The following PLD5 variants were observed in gnomAD, a reference collection of about 807,000 sequenced individuals.
PLD5 encodes phospholipase D family member 5, also known as inactive phospholipase D5.
A neutral mutation model predicts 61.1 loss-of-function variants in PLD5; 36 were observed. The ratio of observed to expected loss-of-function variants is 0.59; its 90% CI spans 0.45 to 0.78. The LOEUF (loss-of-function observed/expected upper bound fraction) is 0.78, where lower values mean the gene tolerates loss of function less well. Among genes scored for constraint, PLD5 ranks in the 30% least tolerant of loss-of-function variants. PLD5 has a pLI of 0.00. For missense variants in PLD5, 515 were observed against 644.4 expected, an observed-to-expected ratio of 0.80 and a Z score of 2.17; for synonymous variants, 243 against 242.8, an observed-to-expected ratio of 1.00 and a Z score of -0.01.
intron 4 of PLD5, among the ~76,000 whole-genome samples, chr1:242,231,976 C>T (rs1293764804): frequency 1.3e-5 from 2 of 148,514 alleles, no homozygotes; most frequent in African/African-American, 4.9e-5. Flanking sequence ...AAAAAGATGA[C>T]CAATGTAAGC....
At chr1:242,249,410 A>G (rs991084500) in intron 4 of PLD5, among the ~76,000 whole-genome samples, 1 of 152,208 alleles carries the variant, frequency 6.6e-6, no homozygotes. Context: ...CCAGTCTCAA[A>G]TAAGTTTCTG....
intron 5 of PLD5, among the ~76,000 whole-genome samples, chr1:242,149,765 G>T (rs914550838): frequency 2.6e-5 from 4 of 151,598 alleles, no homozygotes; most frequent in African/African-American, 9.7e-5. Context: ...TATGGCCATA[G>T]AGTTATTCAT....
intron 4 of PLD5, among the ~76,000 whole-genome samples, chr1:242,237,244 T>C (rs910721326): frequency 6.6e-6 from 1 of 151,106 alleles, no homozygotes; most frequent in East Asian, 1.9e-4. Context: ...TCATTCACTC[T>C]GCAGAGATTG....
intron 5 of PLD5, among the ~76,000 whole-genome samples, chr1:242,217,081 A>C (rs1351613807): frequency 1.3e-5 from 2 of 152,238 alleles, no homozygotes; most frequent in African/African-American, 2.4e-5. Context: ...TCCTTTCAAA[A>C]TATTACTGCT....
chr1:242,380,085 G>C (rs10926710), intron 1 of PLD5, among the ~76,000 whole-genome samples: 27,623 of 152,154 alleles, frequency 0.18, 2,947 homozygotes, highest in African/African-American at 0.3. Context: ...GCATTTGGGG[G>C]TTCTATGGCA....
chr1:242,484,601 C>G (rs866900230), intron 1 of PLD5, among the ~76,000 whole-genome samples: 6 of 152,100 alleles, frequency 3.9e-5, no homozygotes, highest in African/African-American at 1.2e-4. Context: ...CAGGACCAGA[C>G]AGATTCACAG....
chr1:242,408,916 A>C (rs1214586111), intron 1 of PLD5, among the ~76,000 whole-genome samples: 1 of 152,128 alleles, frequency 6.6e-6, no homozygotes, highest in Non-Finnish European at 1.5e-5. Context: ...AAAATACAAA[A>C]GTTAGCTAGG....
chr1:242,325,176 C>T (rs778025776), intron 2 of PLD5, among the ~76,000 whole-genome samples: 42 of 151,978 alleles, frequency 2.8e-4, no homozygotes, highest in Non-Finnish European at 5.3e-4. Context: ...CATCCTACAC[C>T]TCCAGAAAGT....
chr1:242,314,821 T>C (rs1226079860), intron 2 of PLD5, among the ~76,000 whole-genome samples: 1 of 147,380 alleles, frequency 6.8e-6, no homozygotes, highest in Non-Finnish European at 1.5e-5. Flanking sequence ...GATCACAAGC[T>C]TTTTTTTTTT....
At chr1:242,226,886 T>TA (rs1462141264) in intron 4 of PLD5, among the ~76,000 whole-genome samples, 2 of 152,198 alleles carry the variant, frequency 1.3e-5, no homozygotes, top group Non-Finnish European at 1.5e-5. Context: ...TCAATGGAAA[T>TA]AATTCTGTGT....
intron 1 of PLD5, among the ~76,000 whole-genome samples, chr1:242,433,316 C>T (rs1160487646): frequency 6.6e-6 from 1 of 152,190 alleles, no homozygotes; most frequent in South Asian, 2.1e-4. Flanking sequence ...AAGTAGGTGT[C>T]TCTGTCTCAC....
Position 242,473,631 on chromosome 1 carries a change from T to C in PLD5, c.189+50457A>G, listed in dbSNP as rs142561710. 3.3e-4 allele frequency among the ~76,000 whole-genome samples: 50 copies of C among 152,272 alleles called. No individual in the cohort carries two copies. In the East Asian group the frequency reaches 8.5e-3, roughly 26 times the overall value. ...GTTTTTCTCTCCAAAGGCAAAATAA[T>C]CTTGCAGAGTGTATACACGAAGGAC... On this transcript the variant is annotated intron_variant, in intron 1 of 9. Transcript: ENST00000536534.
intron 1 of PLD5, among the ~76,000 whole-genome samples, chr1:242,509,569 C>T (rs1436874611): frequency 1.3e-5 from 2 of 152,148 alleles, no homozygotes; most frequent in African/African-American, 4.8e-5. Flanking sequence ...TCTAATTCAT[C>T]TTGTTTTTTG....
At chr1:242,320,731 C>A (rs1244020724) in intron 2 of PLD5, among the ~76,000 whole-genome samples, 1 of 152,264 alleles carries the variant, frequency 6.6e-6, no homozygotes, top group African/African-American at 2.4e-5. Flanking sequence ...ACCTCGGTGA[C>A]CAGTGGGAGT....
intron 1 of PLD5, among the ~76,000 whole-genome samples, chr1:242,407,640 G>A (rs1664315381): frequency 6.6e-6 from 1 of 151,218 alleles, no homozygotes; most frequent in Non-Finnish European, 1.5e-5. Flanking sequence ...AGTGCAGTGG[G>A]GCAATCTCAG....
At chr1:242,172,369 C>T (rs959878194) in intron 5 of PLD5, among the ~76,000 whole-genome samples, 6 of 152,090 alleles carry the variant, frequency 3.9e-5, no homozygotes, top group African/African-American at 1.4e-4. Flanking sequence ...CTGGGACACA[C>T]TGAAAGTGGT....
chr1:242,297,461 CAG>C (rs1348261763), intron 2 of PLD5, among the ~76,000 whole-genome samples: 1 of 140,428 alleles, frequency 7.1e-6, no homozygotes, highest in East Asian at 2.1e-4. Flanking sequence ...GGCTAGAGAA[CAG>C]AGTGATCAGT....
intron 1 of PLD5, among the ~76,000 whole-genome samples, chr1:242,439,212 C>T (rs923184962): frequency 1.3e-5 from 2 of 152,146 alleles, no homozygotes; most frequent in African/African-American, 2.4e-5. Context: ...TTCTTGTTCA[C>T]GTAGAGTCCA....
At chr1:242,400,514 G>A (rs1052781096) in intron 1 of PLD5, among the ~76,000 whole-genome samples, 10 of 152,104 alleles carry the variant, frequency 6.6e-5, no homozygotes, top group African/African-American at 2.4e-4. Flanking sequence ...TAGATAAGGA[G>A]ATTAAAATTC....
Sources: gnomAD v4.1 joint callset for allele counts (sites outside exome capture counted in the v4.1 genomes callset) on GRCh38, gnomAD v4.1.1 for gene constraint, MANE v1.5 for transcripts, NCBI Gene and HGNC (gene_info 2026-07-23, HGNC 2026-07-21) for gene names.